IL1RAPL2: variants seen among roughly 807,000 people sequenced by gnomAD.
The protein encoded by IL1RAPL2 is interleukin 1 receptor accessory protein like 2.
Under a neutral mutation model 44.1 loss-of-function variants are expected in IL1RAPL2, and 3 were observed. That is an observed-to-expected ratio of 0.07 (90% CI 0.03 to 0.18). The LOEUF is 0.18. Among genes scored for constraint, IL1RAPL2 ranks in the 10% least tolerant of loss-of-function variants. The pLI is 1.00. For synonymous variants in IL1RAPL2, 181 were observed against 178.8 expected (o/e 1.01, Z -0.10); for missense variants, 391 against 496.4 (o/e 0.79, Z 2.02).
At chrX:105,657,796 G>T in intron 6 of IL1RAPL2, among the ~76,000 whole-genome samples, 1 of 110,587 alleles carries the variant, frequency 9.0e-6, no homozygotes. Context: ...TGTATTTTTA[G>T]TAGAGATGGG....
chrX:104,958,189 A>G (rs1267954373), intron 2 of IL1RAPL2, among the ~76,000 whole-genome samples: 1 of 111,429 alleles, frequency 9.0e-6, no homozygotes, highest in Non-Finnish European at 1.9e-5. Flanking sequence ...TTTTTGTACC[A>G]GGCTCCACAA....
In IL1RAPL2 at chrX:105,161,090, C is replaced by A. The variant is rs746703822; in HGVS notation, c.83-34385C>A. Among the ~76,000 whole-genome samples, 536 of 110,170 alleles carry A rather than the reference C, an allele frequency of 4.9e-3. 3 individuals are homozygous for A. The highest frequency in any genetic ancestry group is 0.017 in the African/African-American group (512 of 30,255). ...CACAATCTCTACAAAAAATAAAAAA[C>A]AATAAGCTGTGCATGGGAGCATGTG... On this transcript the variant is annotated intron_variant, in intron 2 of 10. Transcript: ENST00000372582.
At chrX:104,685,409 G>A (rs1423061828) in intron 2 of IL1RAPL2, among the ~76,000 whole-genome samples, 3 of 111,526 alleles carry the variant, frequency 2.7e-5, no homozygotes, top group Admixed American at 9.6e-5. Context: ...GTACCTGTTC[G>A]GCCAAGTTAG....
chrX:105,755,215 G>T lies in IL1RAPL2; in HGVS notation c.1231G>T (p.Val411Leu). 1 of 1,201,041 alleles carries T rather than the reference G, an allele frequency of 8.3e-7. No homozygotes were observed. The highest frequency in any genetic ancestry group is 1.7e-5 in the African/African-American group (1 of 57,559). Residue 411 changes from valine (V) to leucine (L), a missense_variant, in exon 10 of 11, where the codon GTG becomes TTG. By Grantham distance (32) the Val-to-Leu change is conservative. Transcript: ENST00000372582. Reference protein sequence around the residue: ...EYDAYLSYTKVDQDTLDCDNP... With the variant: ...EYDAYLSYTKLDQDTLDCDNP... Reference sequence around the variant, plus strand: ...TGATGCCTATCTCTCTTACACAAAAGTGGACCAAGATACTTTAGACTGTGA... The same window carrying T: ...TGATGCCTATCTCTCTTACACAAAATTGGACCAAGATACTTTAGACTGTGA...
chrX:104,629,583 T>A, intron 1 of IL1RAPL2, among the ~76,000 whole-genome samples: 1 of 112,370 alleles, frequency 8.9e-6, no homozygotes, highest in East Asian at 2.8e-4. Flanking sequence ...ACTTTTGAGG[T>A]CTTAGCCATA....
At chrX:104,895,769 C>G (rs1303223064) in intron 2 of IL1RAPL2, among the ~76,000 whole-genome samples, 1 of 111,853 alleles carries the variant, frequency 8.9e-6, no homozygotes, top group Non-Finnish European at 1.9e-5. Flanking sequence ...TCAGCTCACA[C>G]TCAGGTGACT....
chrX:104,613,382 T>G (rs763803589), intron 1 of IL1RAPL2, among the ~76,000 whole-genome samples: 13 of 111,984 alleles, frequency 1.2e-4, no homozygotes, highest in African/African-American at 3.6e-4. Context: ...TGAGTAGATG[T>G]TGAATTTTAT....
chrX:105,049,893 A>G (rs2031895453), intron 2 of IL1RAPL2, among the ~76,000 whole-genome samples: 1 of 110,950 alleles, frequency 9.0e-6, no homozygotes, highest in Admixed American at 9.7e-5. Context: ...CTTTGCCCCA[A>G]AACTCTACAA....
In IL1RAPL2 at chrX:105,740,583, T is replaced by C. The variant is rs759927464; in HGVS notation, c.940T>C (p.Leu314=). The change falls in exon 8 of 11, where the codon TTG becomes CTG. Residue 314 remains leucine, a synonymous_variant. Transcript: ENST00000372582. ...KEHLGEKEVE[L]ALIFDSVVEA... is the part of the protein sequence containing the mutation. ...GCATCTTGGAGAAAAAGAAGTTGAA[T>C]TGGCACTCATCTTTGACTCAGTTGT... The C allele has an allele frequency of 3.3e-6, 4 of 1,208,882 alleles. No individual in the cohort carries two copies. Among genetic ancestry groups the C allele is most frequent in the Middle Eastern group, 2.3e-4 (1 of 4,332 alleles).
chrX:104,780,194 C>T (rs1932763326), intron 2 of IL1RAPL2, among the ~76,000 whole-genome samples: 1 of 111,335 alleles, frequency 9.0e-6, no homozygotes, highest in South Asian at 3.7e-4. Flanking sequence ...TCAAACAAAT[C>T]CTAAGAAAAA....
intron 2 of IL1RAPL2, among the ~76,000 whole-genome samples, chrX:104,948,196 A>T (rs1009966557): frequency 7.5e-5 from 8 of 106,701 alleles, no homozygotes; most frequent in African/African-American, 1.7e-4. Flanking sequence ...ATGGGAGTTC[A>T]CTCATGATTT....
At chrX:105,294,686 T>C (rs1418373076) in intron 5 of IL1RAPL2, among the ~76,000 whole-genome samples, 1 of 112,454 alleles carries the variant, frequency 8.9e-6, no homozygotes, top group Non-Finnish European at 1.9e-5. Flanking sequence ...GTGCGTACTA[T>C]GTACTCAACC....
At chrX:105,659,656 C>CA (rs1029758021) in intron 6 of IL1RAPL2, among the ~76,000 whole-genome samples, 12 of 98,782 alleles carry the variant, frequency 1.2e-4, no homozygotes, top group Non-Finnish European at 1.6e-4. Context: ...GACTCTGTCT[C>CA]AAAAAAAATA....
At chrX:104,685,544 T>C (rs1406409232) in intron 2 of IL1RAPL2, among the ~76,000 whole-genome samples, 1 of 111,373 alleles carries the variant, frequency 9.0e-6, no homozygotes, top group Non-Finnish European at 1.9e-5. Context: ...TCATCAGTAC[T>C]TCTTCTCTAC....
At chrX:104,713,877 G>C (rs1377363991) in intron 2 of IL1RAPL2, among the ~76,000 whole-genome samples, 1 of 110,827 alleles carries the variant, frequency 9.0e-6, no homozygotes, top group African/African-American at 3.3e-5. Context: ...TTAATTACCT[G>C]GCTTTGCCTA....
At chrX:104,855,681 G>GTTTTTTTTTTTTTTTTTTTTTTTTT (rs1556002120) in intron 2 of IL1RAPL2, among the ~76,000 whole-genome samples, 3 of 53,865 alleles carry the variant, frequency 5.6e-5, no homozygotes, top group African/African-American at 1.8e-4. Flanking sequence ...ATCTGGATCC[G>GTTTTTTTTTTTTTTTTTTTTTTTTT]TTTTTTTTTT....
chrX:105,715,124 T>C (rs2038245993), intron 6 of IL1RAPL2, among the ~76,000 whole-genome samples: 1 of 112,027 alleles, frequency 8.9e-6, no homozygotes, highest in Non-Finnish European at 1.9e-5. Flanking sequence ...GCCCTGATTG[T>C]GGATTATCTT....
intron 1 of IL1RAPL2, among the ~76,000 whole-genome samples, chrX:104,601,147 A>C (rs1011270429): frequency 2.7e-5 from 3 of 111,159 alleles, no homozygotes; most frequent in African/African-American, 9.8e-5. Context: ...TTTTTATTAT[A>C]CTTTAAGTTT....
intron 2 of IL1RAPL2, among the ~76,000 whole-genome samples, chrX:104,971,508 C>A (rs892772263): frequency 9.0e-6 from 1 of 111,182 alleles, no homozygotes; most frequent in African/African-American, 3.3e-5. Flanking sequence ...ATGTTAACCT[C>A]AATCTGTCCA....
Sources: gnomAD v4.1 joint callset for allele counts (sites outside exome capture counted in the v4.1 genomes callset) on GRCh38, gnomAD v4.1.1 for gene constraint, MANE v1.5 for transcripts, NCBI Gene and HGNC (gene_info 2026-07-23, HGNC 2026-07-21) for gene names.